Variants in ASPRV1 observed in about 807,000 individuals in gnomAD.
ASPRV1 encodes retroviral-like aspartic protease 1.
In ASPRV1, 7 loss-of-function variants were observed where a neutral mutation model predicts 11.0. That is an observed-to-expected ratio of 0.64 (90% CI 0.36 to 1.20). The LOEUF (loss-of-function observed/expected upper bound fraction) is 1.20, where lower values mean the gene tolerates loss of function less well. ASPRV1 is among the 50% of genes most tolerant of loss of function. The pLI, the probability that ASPRV1 is intolerant of heterozygous loss-of-function variation, is 0.02. For synonymous variants in ASPRV1, 136 were observed against 138.4 expected (o/e 0.98, Z 0.12); for missense variants, 299 against 320.0 (o/e 0.93, Z 0.50).
At chr2:69,982,602 C>T in the ASPRV1 span, among the ~76,000 whole-genome samples, 2 of 152,096 alleles carry the variant, frequency 1.3e-5, no homozygotes, top group Non-Finnish European at 2.9e-5. Flanking sequence ...GAGAGGTTGG[C>T]GGCAACTGGT....
chr2:70,081,926 TAA>T, the ASPRV1 span, among the ~76,000 whole-genome samples: 4 of 151,694 alleles, frequency 2.6e-5, no homozygotes, highest in South Asian at 2.1e-4. Context: ...AGATAAATCT[TAA>T]GAGAGAAAAA....
At chr2:69,984,610 CTTTTTTTTTTTT>C in the ASPRV1 span, among the ~76,000 whole-genome samples, 13 of 65,344 alleles carry the variant, frequency 2.0e-4, no homozygotes, top group Admixed American at 2.8e-4. Context: ...TCAGGTCCAG[CTTTTTTTTTTTT>C]TTTTTTTTTT....
At chr2:70,008,638 T>TG in the ASPRV1 span, among the ~76,000 whole-genome samples, 58 of 141,910 alleles carry the variant, frequency 4.1e-4, no homozygotes, top group East Asian at 6.5e-3. Flanking sequence ...TTTTTGTGTG[T>TG]TTTTTTTTTT....
At chr2:70,067,357 G>C in the ASPRV1 span, among the ~76,000 whole-genome samples, 9 of 152,258 alleles carry the variant, frequency 5.9e-5, no homozygotes, top group Admixed American at 2.0e-4. Context: ...AGACATCCCA[G>C]TGGGGTTGTA....
the ASPRV1 span, among the ~76,000 whole-genome samples, chr2:70,027,259 C>CAAAA: frequency 6.7e-4 from 33 of 49,624 alleles, no homozygotes; most frequent in African/African-American, 1.2e-3. Context: ...CCCTGTCTCT[C>CAAAA]AAAAAAAAAA....
the ASPRV1 span, among the ~76,000 whole-genome samples, chr2:70,000,040 G>A: frequency 3.3e-5 from 5 of 152,162 alleles, no homozygotes; most frequent in African/African-American, 7.2e-5. Flanking sequence ...CTCCCTGCTG[G>A]CCTCCCTGCT....
At chr2:69,962,199 GAC>G (rs56262722), upstream of ASPRV1, 49,339 of 162,946 alleles carry the variant, frequency 0.3, 7,526 homozygotes, top group Middle Eastern at 0.44. Context: ...AGTGAGTGAG[GAC>G]ACACACACAC....
chr2:70,035,597 C>A, the ASPRV1 span, among the ~76,000 whole-genome samples: 3,632 of 151,206 alleles, frequency 0.024, 341 homozygotes, highest in Admixed American at 0.17. Context: ...ACCAGTCTAG[C>A]AATTGCAAGA....
At chr2:70,072,099 G>T in the ASPRV1 span, among the ~76,000 whole-genome samples, 110 of 152,052 alleles carry the variant, frequency 7.2e-4, no homozygotes, top group African/African-American at 2.4e-3. Context: ...TCACAGATGT[G>T]AACCACCATG....
the ASPRV1 span, among the ~76,000 whole-genome samples, chr2:69,966,871 G>C: frequency 6.6e-5 from 10 of 152,152 alleles, no homozygotes; most frequent in Admixed American, 2.0e-4. Context: ...ACAGAAGATG[G>C]GGGGCGGCGA....
the ASPRV1 span, among the ~76,000 whole-genome samples, chr2:70,053,338 T>C: frequency 2.6e-5 from 4 of 151,994 alleles, no homozygotes; most frequent in Non-Finnish European, 4.4e-5. Flanking sequence ...ATCCACATTG[T>C]TGGTGCCTGT....
chr2:70,038,368 C>A, the ASPRV1 span, among the ~76,000 whole-genome samples: 1 of 152,038 alleles, frequency 6.6e-6, no homozygotes, highest in Non-Finnish European at 1.5e-5. Context: ...GGGCAACATA[C>A]CAAGTTCAAG....
At chr2:69,962,940 A>T (rs1678184166), upstream of ASPRV1, 2 of 268,130 alleles carry the variant, frequency 7.5e-6, no homozygotes, top group Non-Finnish European at 1.5e-5. Context: ...ACCAAACAGG[A>T]GTGATTAAGG....
At chr2:69,950,308 G>A in the ASPRV1 span, among the ~76,000 whole-genome samples, 5 of 152,288 alleles carry the variant, frequency 3.3e-5, no homozygotes, top group South Asian at 8.3e-4. Context: ...TGGGGTAACC[G>A]TGTCCTTTTT....
the ASPRV1 span, among the ~76,000 whole-genome samples, chr2:69,969,293 T>A: frequency 3.3e-5 from 5 of 152,186 alleles, no homozygotes; most frequent in African/African-American, 1.2e-4. Context: ...CTCTGCCTCA[T>A]GGTGTTACCT....
the ASPRV1 span, among the ~76,000 whole-genome samples, chr2:70,035,521 A>AC: frequency 6.6e-6 from 1 of 151,694 alleles, no homozygotes; most frequent in Admixed American, 6.6e-5. Flanking sequence ...CATTTACTTG[A>AC]CCATCATTTT....
the ASPRV1 span, among the ~76,000 whole-genome samples, chr2:69,997,150 C>G: frequency 6.7e-6 from 1 of 149,518 alleles, no homozygotes; most frequent in African/African-American, 2.5e-5. Context: ...CGCACCACTG[C>G]ACTCTAGCCT....
At chr2:70,031,551 G>C in the ASPRV1 span, 1 of 152,208 alleles carries the variant, frequency 6.6e-6, no homozygotes, top group African/African-American at 2.4e-5. Flanking sequence ...CAAAAAATTA[G>C]CTGGGAGTGG....
the ASPRV1 span, among the ~76,000 whole-genome samples, chr2:70,011,354 G>T: frequency 6.6e-6 from 1 of 152,174 alleles, no homozygotes; most frequent in South Asian, 2.1e-4. Flanking sequence ...AGGGGGCAGG[G>T]GGCCAGGGAG....
Sources: gnomAD v4.1 joint callset for allele counts (sites outside exome capture counted in the v4.1 genomes callset) on GRCh38, gnomAD v4.1.1 for gene constraint, MANE v1.5 for transcripts, NCBI Gene and HGNC (gene_info 2026-07-23, HGNC 2026-07-21) for gene names.